CADPS2: variants seen among roughly 807,000 people sequenced by gnomAD.
CADPS2 encodes the protein calcium-dependent secretion activator 2.
CADPS2 carries 93 observed loss-of-function variants against 172.5 expected under a neutral mutation model. The ratio of observed to expected loss-of-function variants is 0.54; its 90% CI spans 0.46 to 0.64. CADPS2 has a LOEUF of 0.64. Ranked by LOEUF, CADPS2 falls within the 30% of genes least tolerant of loss-of-function variation. The pLI, the probability that CADPS2 is intolerant of heterozygous loss-of-function variation, is 0.00. For missense variants in CADPS2, 1,420 were observed against 1,565.9 expected (o/e 0.91, Z 1.57); for synonymous variants, 546 against 555.2 (o/e 0.98, Z 0.23).
Position 122,575,598 on chromosome 7 carries a change from A to C in CADPS2, c.1335+5581T>G, listed in dbSNP as rs372498485. On this transcript the variant is annotated intron_variant, in intron 7 of 29. Transcript: ENST00000449022. Reference sequence around the variant, plus strand: ...ATTACAGGTGTGCACCACCACACCCAGATAATTTTTGTATTTTTAATAGAG... The same window carrying C: ...ATTACAGGTGTGCACCACCACACCCCGATAATTTTTGTATTTTTAATAGAG... Among the ~76,000 whole-genome samples the C allele has an allele frequency of 1.0e-3, 157 of 151,952 alleles. 1 individual carries two copies. The highest frequency in any genetic ancestry group is 5.9e-3 in the East Asian group (30 of 5,126).
At position 122,702,185 on chromosome 7, in the gene CADPS2, T is replaced by C. The variant is rs767074130; in HGVS notation, c.453+34770A>G. 6.2e-6 allele frequency: 10 copies of C among 1,613,766 alleles called. No homozygotes were observed. The South Asian group carries it at 8.8e-5, about 14-fold the overall frequency. On this transcript the variant is annotated intron_variant, in intron 2 of 29. Coordinates refer to ENST00000449022, the MANE Select transcript of CADPS2 (RefSeq NM_017954.11). ...GAAGGTAAATAGATACATGATGTAA[T>C]GGCTCACCCACTGCATGTGCATTCT...
chr7:122,748,537 C>T (rs2092816318), intron 1 of CADPS2, among the ~76,000 whole-genome samples: 1 of 152,110 alleles, frequency 6.6e-6, no homozygotes, highest in Admixed American at 6.6e-5. Context: ...CACACAATGG[C>T]CTTTTCCAGC....
chr7:122,393,097 G>T, intron 22 of CADPS2, 99 bp downstream of exon 22: 1 of 1,285,738 alleles, frequency 7.8e-7, no homozygotes, highest in Non-Finnish European at 1.0e-6. Context: ...CTCAACCAAC[G>T]ATGACAAATG....
chr7:122,876,843 A>G (rs1252376622), intron 1 of CADPS2, among the ~76,000 whole-genome samples: 1 of 151,892 alleles, frequency 6.6e-6, no homozygotes, highest in Non-Finnish European at 1.5e-5. Flanking sequence ...GCAATAGGCT[A>G]AAAAAAACAG....
At chr7:122,671,564 TA>T (rs988592147) in intron 2 of CADPS2, among the ~76,000 whole-genome samples, 17 of 148,440 alleles carry the variant, frequency 1.1e-4, no homozygotes, top group South Asian at 4.3e-4. Flanking sequence ...GACCATCGCT[TA>T]AAAAAAAAAC....
intron 1 of CADPS2, among the ~76,000 whole-genome samples, chr7:122,742,106 A>G (rs1467251196): frequency 6.6e-6 from 1 of 152,126 alleles, no homozygotes; most frequent in Non-Finnish European, 1.5e-5. Context: ...AAAAATCTAA[A>G]CAAACTGGGC....
At chr7:122,542,214 T>C (rs914025447) in intron 8 of CADPS2, among the ~76,000 whole-genome samples, 1 of 152,066 alleles carries the variant, frequency 6.6e-6, no homozygotes, top group Non-Finnish European at 1.5e-5. Context: ...GATCACACAG[T>C]GATGAGGCTA....
chr7:122,422,453 C>T (rs942267989), intron 17 of CADPS2, among the ~76,000 whole-genome samples: 2 of 152,168 alleles, frequency 1.3e-5, no homozygotes, highest in Admixed American at 6.6e-5. Flanking sequence ...ATGGATCCTT[C>T]CTTTTCCCTC....
chr7:122,790,778 T>A (rs921939461), intron 1 of CADPS2, among the ~76,000 whole-genome samples: 1 of 152,188 alleles, frequency 6.6e-6, no homozygotes, highest in Non-Finnish European at 1.5e-5. Context: ...AATGCATGAC[T>A]AGTTCTGCCT....
chr7:122,755,527 C>T (rs925604850), intron 1 of CADPS2, among the ~76,000 whole-genome samples: 13 of 152,058 alleles, frequency 8.5e-5, no homozygotes, highest in Admixed American at 7.9e-4. Flanking sequence ...GAAGACAGAG[C>T]TGTCAGATGA....
intron 17 of CADPS2, among the ~76,000 whole-genome samples, chr7:122,435,236 A>G (rs1159761377): frequency 1.3e-5 from 2 of 152,212 alleles, no homozygotes; most frequent in East Asian, 1.9e-4. Context: ...ATGGGAGAAA[A>G]TATTTGCACA....
intron 25 of CADPS2, among the ~76,000 whole-genome samples, chr7:122,376,211 G>A (rs932417693): frequency 5.9e-5 from 9 of 152,060 alleles, no homozygotes; most frequent in African/African-American, 1.9e-4. Flanking sequence ...ATGATTTAGC[G>A]ATCCCATTAA....
intron 3 of CADPS2, among the ~76,000 whole-genome samples, chr7:122,649,642 A>G (rs904336894): frequency 6.6e-6 from 1 of 152,162 alleles, no homozygotes; most frequent in South Asian, 2.1e-4. Flanking sequence ...CAACTATCCA[A>G]TATAAATGAA....
At chr7:122,532,048 AAC>A in intron 8 of CADPS2, among the ~76,000 whole-genome samples, 1 of 151,968 alleles carries the variant, frequency 6.6e-6, no homozygotes, top group Admixed American at 6.6e-5. Flanking sequence ...AAAAAAACAA[AAC>A]AAACAAACAA....
intron 2 of CADPS2, among the ~76,000 whole-genome samples, chr7:122,713,299 T>C (rs2089057271): frequency 8.7e-5 from 1 of 11,448 alleles, no homozygotes; most frequent in South Asian, 6.0e-3. Context: ...ACTGCCTGAG[T>C]TTAAATCCTG....
chr7:122,790,121 G>A (rs774310652), intron 1 of CADPS2, among the ~76,000 whole-genome samples: 10 of 150,396 alleles, frequency 6.6e-5, no homozygotes, highest in South Asian at 2.1e-4. Flanking sequence ...AAAAGGCCAG[G>A]AGCAATGGCT....
chr7:122,562,363 C>A (rs546974911), intron 7 of CADPS2, among the ~76,000 whole-genome samples: 97 of 152,222 alleles, frequency 6.4e-4, no homozygotes, highest in African/African-American at 2.2e-3. Context: ...ACTTGACCAG[C>A]CATTACTAGC....
At chr7:122,834,701 C>A (rs1406325917) in intron 1 of CADPS2, among the ~76,000 whole-genome samples, 1 of 152,182 alleles carries the variant, frequency 6.6e-6, no homozygotes, top group Non-Finnish European at 1.5e-5. Flanking sequence ...GCACAGCAGT[C>A]TGAGATCAAA....
At chr7:122,479,717 G>T (rs1563457345) in intron 12 of CADPS2, among the ~76,000 whole-genome samples, 1 of 151,980 alleles carries the variant, frequency 6.6e-6, no homozygotes, top group Non-Finnish European at 1.5e-5. Context: ...AACCAATATT[G>T]AACATTTATT....
Sources: allele counts gnomAD v4.1 joint callset (sites outside exome capture counted in the v4.1 genomes callset), GRCh38; gene constraint gnomAD v4.1.1; transcripts MANE v1.5; gene names NCBI Gene and HGNC (gene_info 2026-07-23, HGNC 2026-07-21).